Variants in NKAIN2 observed in about 807,000 individuals in gnomAD.
NKAIN2 encodes the protein sodium/potassium transporting ATPase interacting 2.
In NKAIN2, 14 loss-of-function variants were observed where a neutral mutation model predicts 32.6. That is an observed-to-expected ratio of 0.43 (90% CI 0.28 to 0.67). The LOEUF (loss-of-function observed/expected upper bound fraction) is 0.67, where lower values mean the gene tolerates loss of function less well. Ranked by LOEUF, NKAIN2 falls within the 30% of genes least tolerant of loss-of-function variation. NKAIN2 has a pLI of 0.17. For synonymous variants in NKAIN2, 80 were observed against 87.2 expected (o/e 0.92, Z 0.46); for missense variants, 198 against 258.3 (o/e 0.77, Z 1.60).
chr6:124,033,163 A>G (rs1266674500), intron 1 of NKAIN2, among the ~76,000 whole-genome samples: 1 of 152,114 alleles, frequency 6.6e-6, no homozygotes, highest in Admixed American at 6.6e-5. Context: ...AAATCACACA[A>G]TGAATTCGCT....
chr6:124,446,008 G>A (rs1305520788), intron 3 of NKAIN2, among the ~76,000 whole-genome samples: 1 of 152,030 alleles, frequency 6.6e-6, no homozygotes, highest in Non-Finnish European at 1.5e-5. Flanking sequence ...GGGGGAGCGG[G>A]AATCCCTGTG....
chr6:123,880,988 G>A (rs1773427471), intron 1 of NKAIN2, among the ~76,000 whole-genome samples: 1 of 152,092 alleles, frequency 6.6e-6, no homozygotes, highest in African/African-American at 2.4e-5. Flanking sequence ...GGTGGGCAAG[G>A]CTGTGAGCAA....
At chr6:123,842,558 T>C (rs1774916487) in intron 1 of NKAIN2, among the ~76,000 whole-genome samples, 1 of 152,152 alleles carries the variant, frequency 6.6e-6, no homozygotes, top group South Asian at 2.1e-4. Context: ...ATTTAGTCCA[T>C]AACAGTATAT....
intron 1 of NKAIN2, among the ~76,000 whole-genome samples, chr6:123,883,465 C>CTTG (rs112800688): frequency 0.67 from 101,638 of 151,068 alleles, 35,927 homozygotes; most frequent in African/African-American, 0.9. Flanking sequence ...CTTGTGAGAT[C>CTTG]TTGTTTTTTA....
intron 1 of NKAIN2, among the ~76,000 whole-genome samples, chr6:123,992,405 T>C (rs1356580970): frequency 6.6e-6 from 1 of 152,098 alleles, no homozygotes; most frequent in Non-Finnish European, 1.5e-5. Context: ...AGAAGTTAAA[T>C]ACAATAGAGA....
At chr6:124,740,701 G>T (rs1470390132) in intron 4 of NKAIN2, among the ~76,000 whole-genome samples, 2 of 151,864 alleles carry the variant, frequency 1.3e-5, no homozygotes, top group Non-Finnish European at 2.9e-5. Flanking sequence ...CAGTGAGTTT[G>T]CCGTTCTAAG....
intron 3 of NKAIN2, among the ~76,000 whole-genome samples, chr6:124,522,242 G>T (rs1779144337): frequency 6.6e-6 from 1 of 152,078 alleles, no homozygotes; most frequent in Non-Finnish European, 1.5e-5. Context: ...ATGATGCTAT[G>T]TTCATGTAAA....
At chr6:124,758,112 GT>G (rs1468749791) in intron 4 of NKAIN2, among the ~76,000 whole-genome samples, 1 of 152,096 alleles carries the variant, frequency 6.6e-6, no homozygotes, top group Non-Finnish European at 1.5e-5. Context: ...TTTTCTTAAT[GT>G]TTTGAGAGAA....
intron 1 of NKAIN2, among the ~76,000 whole-genome samples, chr6:124,077,597 G>A (rs952305377): frequency 6.6e-6 from 1 of 151,884 alleles, no homozygotes; most frequent in Non-Finnish European, 1.5e-5. Context: ...TTTCTCACTG[G>A]CAATGTGAAT....
Position 124,788,414 on chromosome 6 carries a change from G to A in NKAIN2, c.475-2925G>A, listed in dbSNP as rs115836773. Among the ~76,000 whole-genome samples the A allele has an allele frequency of 7.2e-3, 1,102 of 152,170 alleles. 10 individuals are homozygous for A. The highest frequency in any genetic ancestry group is 0.025 in the African/African-American group (1,042 of 41,532). On this transcript the variant is annotated intron_variant, in intron 4 of 6. Transcript: ENST00000368417. ...TTGCATGTTATAGGAGATTGGATTCGTCTCTTCTCACACTGCTAATAAAGA... is the reference window on the plus strand; with the variant it reads ...TTGCATGTTATAGGAGATTGGATTCATCTCTTCTCACACTGCTAATAAAGA...
At chr6:124,743,928 T>C (rs1337799683) in intron 4 of NKAIN2, among the ~76,000 whole-genome samples, 1 of 151,840 alleles carries the variant, frequency 6.6e-6, no homozygotes, top group Non-Finnish European at 1.5e-5. Flanking sequence ...TATTAATTTA[T>C]AAAATTGTGA....
At chr6:124,394,942 C>T (rs939255712) in intron 3 of NKAIN2, among the ~76,000 whole-genome samples, 15 of 152,096 alleles carry the variant, frequency 9.9e-5, no homozygotes, top group African/African-American at 3.1e-4. Flanking sequence ...CTTGGCCATG[C>T]GGTGAAGGCA....
intron 5 of NKAIN2, among the ~76,000 whole-genome samples, chr6:124,797,245 G>A (rs923785228): frequency 7.0e-6 from 1 of 143,682 alleles, no homozygotes; most frequent in Non-Finnish European, 1.5e-5. Context: ...ATGTATTCTT[G>A]TAAATCACTG....
intron 3 of NKAIN2, chr6:124,490,244 C>T (rs887346176): frequency 3.4e-6 from 1 of 296,716 alleles, no homozygotes; most frequent in African/African-American, 2.2e-5. Flanking sequence ...AAAACTAAGC[C>T]AATTCCCTGT....
intron 4 of NKAIN2, among the ~76,000 whole-genome samples, chr6:124,710,511 C>T (rs1186044316): frequency 6.6e-6 from 1 of 151,970 alleles, no homozygotes; most frequent in Non-Finnish European, 1.5e-5. Flanking sequence ...AATCTGGGTG[C>T]TCCTGTATTG....
At chr6:124,123,695 G>C (rs1285933407) in intron 1 of NKAIN2, among the ~76,000 whole-genome samples, 1 of 152,054 alleles carries the variant, frequency 6.6e-6, no homozygotes, top group Non-Finnish European at 1.5e-5. Context: ...TAATGACTTT[G>C]TGGTCTTAGT....
chr6:124,171,994 A>C (rs946722213), intron 1 of NKAIN2, among the ~76,000 whole-genome samples: 2 of 151,162 alleles, frequency 1.3e-5, no homozygotes, highest in African/African-American at 2.4e-5. Flanking sequence ...TTGTATTTTT[A>C]GTAGAGACGG....
At chr6:124,120,372 C>T (rs905560880) in intron 1 of NKAIN2, among the ~76,000 whole-genome samples, 1 of 152,098 alleles carries the variant, frequency 6.6e-6, no homozygotes, top group Non-Finnish European at 1.5e-5. Context: ...ATTGAACCTA[C>T]TTTATAACAT....
At chr6:124,538,041 G>T (rs1779780459) in intron 3 of NKAIN2, among the ~76,000 whole-genome samples, 2 of 151,976 alleles carry the variant, frequency 1.3e-5, no homozygotes, top group African/African-American at 4.8e-5. Context: ...TTAAATGTGA[G>T]CCTAATCCAA....
Sources: gnomAD v4.1 joint callset for allele counts (sites outside exome capture counted in the v4.1 genomes callset) on GRCh38, gnomAD v4.1.1 for gene constraint, MANE v1.5 for transcripts, NCBI Gene and HGNC (gene_info 2026-07-23, HGNC 2026-07-21) for gene names.